The following CPXM2 variants were observed in gnomAD, a reference collection of about 807,000 sequenced individuals.
CPXM2 encodes the protein carboxypeptidase X, M14 family member 2.
A neutral mutation model predicts 86.1 loss-of-function variants in CPXM2; 66 were observed. The ratio of observed to expected loss-of-function variants is 0.77; its 90% CI spans 0.63 to 0.94. The LOEUF (loss-of-function observed/expected upper bound fraction) is 0.94. Among genes scored for constraint, CPXM2 ranks in the 40% least tolerant of loss-of-function variants. The pLI is 0.00. For synonymous variants in CPXM2, 388 were observed against 400.2 expected (o/e 0.97, Z 0.36); for missense variants, 948 against 1,026.3 (o/e 0.92, Z 1.04).
At chr10:123,917,248 A>C (rs1282053392) in intron 2 of CPXM2, among the ~76,000 whole-genome samples, 1 of 152,228 alleles carries the variant, frequency 6.6e-6, no homozygotes, top group Non-Finnish European at 1.5e-5. Context: ...CCTTTATTCC[A>C]TTTCTAATTC....
chr10:123,769,168 A>T (rs944848811), intron 8 of CPXM2, among the ~76,000 whole-genome samples: 2 of 152,246 alleles, frequency 1.3e-5, no homozygotes, highest in African/African-American at 4.8e-5. Flanking sequence ...GACACAGTGT[A>T]AAGTGGGCTT....
intron 2 of CPXM2, among the ~76,000 whole-genome samples, chr10:123,937,390 C>CA (rs1554894029): frequency 1.3e-5 from 2 of 151,382 alleles, no homozygotes; most frequent in South Asian, 2.1e-4. Context: ...TCTGCAACCT[C>CA]AGGACCCCCC....
intron 2 of CPXM2, among the ~76,000 whole-genome samples, chr10:123,867,527 CTTT>C (rs34482126): frequency 2.2e-5 from 2 of 92,918 alleles, no homozygotes; most frequent in South Asian, 8.3e-4. Context: ...AGATTTCTTT[CTTT>C]TTTTTTTTTT....
At chr10:123,860,529 G>T (rs1848826956) in intron 3 of CPXM2, among the ~76,000 whole-genome samples, 1 of 152,202 alleles carries the variant, frequency 6.6e-6, no homozygotes, top group African/African-American at 2.4e-5. Context: ...GGATTAACAG[G>T]ACCTTTTAAT....
At chr10:123,792,670 T>C (rs1164294016) in intron 6 of CPXM2, among the ~76,000 whole-genome samples, 1 of 152,166 alleles carries the variant, frequency 6.6e-6, no homozygotes, top group East Asian at 1.9e-4. Context: ...GAGCAACAGG[T>C]TGGTTCCCCT....
chr10:123,800,672 G>A (rs1276817681), intron 4 of CPXM2, among the ~76,000 whole-genome samples: 1 of 151,630 alleles, frequency 6.6e-6, no homozygotes, highest in Non-Finnish European at 1.5e-5. Flanking sequence ...GTCAAGAGAA[G>A]CACAAGACAA....
intron 7 of CPXM2, among the ~76,000 whole-genome samples, chr10:123,772,859 CTCTGGTTGTGGTCAT>C (rs1846680610): frequency 6.6e-6 from 1 of 151,842 alleles, no homozygotes. Context: ...GTTATCACCT[CTCTGGTTGTGGTCAT>C]CCCTCCTTCA....
intron 2 of CPXM2, among the ~76,000 whole-genome samples, chr10:123,934,349 G>T (rs1052484062): frequency 2.0e-5 from 3 of 152,054 alleles, no homozygotes. Flanking sequence ...ATCTGTCCCT[G>T]CCCCTCCCAG....
intron 2 of CPXM2, among the ~76,000 whole-genome samples, chr10:123,922,532 C>T (rs1349270488): frequency 9.9e-5 from 15 of 152,126 alleles, no homozygotes; most frequent in Admixed American, 9.8e-4. Context: ...TTTTGTGATC[C>T]TCACTCAGCA....
At position 123,891,308 on chromosome 10, in the gene CPXM2, G is replaced by A. The variant is rs1245375979; in HGVS notation, c.304+48C>T. ...GAAGCCAGTTGTCCCCTGGAGGCGCGCAACCACCGGCGCCCCCTCGGGCTG... is the reference window on the plus strand; with the variant it reads ...GAAGCCAGTTGTCCCCTGGAGGCGCACAACCACCGGCGCCCCCTCGGGCTG... On this transcript the variant is annotated intron_variant, in intron 1 of 13. Transcript: ENST00000241305. The surrounding 1 kb of genome is among the most constrained non-coding windows in gnomAD (Gnocchi z 5.6). 5 of 1,412,820 alleles carry A rather than the reference G, an allele frequency of 3.5e-6. No homozygotes were observed. Among genetic ancestry groups the A allele is most frequent in the East Asian group, 5.3e-5 (2 of 37,456 alleles). 87.5% of individuals were successfully genotyped at this position (1,412,820 alleles called of 1,614,324 possible).
At chr10:123,848,091 T>A (rs878879188) in intron 3 of CPXM2, among the ~76,000 whole-genome samples, 2 of 152,176 alleles carry the variant, frequency 1.3e-5, no homozygotes, top group Admixed American at 6.5e-5. Flanking sequence ...GAGAAAAAAA[T>A]TTAGAAGCAA....
chr10:123,796,630 A>G (rs1847341198), intron 6 of CPXM2, among the ~76,000 whole-genome samples: 1 of 152,234 alleles, frequency 6.6e-6, no homozygotes, highest in Non-Finnish European at 1.5e-5. Flanking sequence ...GATTGAGAGA[A>G]AAACAATTAA....
chr10:123,767,215 AC>A (rs1325477726), intron 9 of CPXM2, 63 bp from the exon 10 acceptor site: 1 of 1,451,438 alleles, frequency 6.9e-7, no homozygotes, highest in East Asian at 2.3e-5. Flanking sequence ...CCTCTACCAT[AC>A]AAGATGCATC....
At chr10:123,795,116 A>G (rs1847302892) in intron 6 of CPXM2, among the ~76,000 whole-genome samples, 1 of 152,180 alleles carries the variant, frequency 6.6e-6, no homozygotes. Context: ...AAAGGTTACC[A>G]CTTGACCATT....
At chr10:123,889,427 T>G (rs905227341) in intron 1 of CPXM2, among the ~76,000 whole-genome samples, 4 of 151,984 alleles carry the variant, frequency 2.6e-5, no homozygotes, top group African/African-American at 9.7e-5. Context: ...ACAACTGTGA[T>G]TACTTTCTCA....
intron 4 of CPXM2, among the ~76,000 whole-genome samples, chr10:123,816,344 G>A (rs1235080365): frequency 6.6e-6 from 1 of 152,170 alleles, no homozygotes; most frequent in Non-Finnish European, 1.5e-5. Context: ...TAGGGTGAGG[G>A]CTATTATGGT....
At chr10:123,777,740 G>GCA (rs1273698313) in intron 7 of CPXM2, 1 of 152,704 alleles carries the variant, frequency 6.5e-6, no homozygotes, top group East Asian at 1.9e-4. Flanking sequence ...GATGACAGCT[G>GCA]ACCCCCTCTG....
At chr10:123,894,048 G>A (rs1945314063), upstream of CPXM2, among the ~76,000 whole-genome samples, 1 of 152,214 alleles carries the variant, frequency 6.6e-6, no homozygotes, top group Non-Finnish European at 1.5e-5. Context: ...CCAAATTTAA[G>A]ATGAATCTTC....
At chr10:123,787,337 A>G (rs1171245512) in intron 6 of CPXM2, among the ~76,000 whole-genome samples, 1 of 152,068 alleles carries the variant, frequency 6.6e-6, no homozygotes, top group Admixed American at 6.5e-5. Flanking sequence ...CACACCAGCC[A>G]CAGCTCAGGA....
Sources: allele counts gnomAD v4.1 joint callset (sites outside exome capture counted in the v4.1 genomes callset), GRCh38; gene constraint gnomAD v4.1.1; non-coding constraint Gnocchi (gnomAD v3.1); transcripts MANE v1.5; gene names NCBI Gene and HGNC (gene_info 2026-07-23, HGNC 2026-07-21).